The following RBM24 variants were observed in gnomAD, a reference collection of about 807,000 sequenced individuals.
The protein encoded by RBM24 is RNA-binding protein 24.
A neutral mutation model predicts 23.6 loss-of-function variants in RBM24; 5 were observed. That is an observed-to-expected ratio of 0.21 (90% CI 0.11 to 0.45). RBM24 has a LOEUF of 0.45. RBM24 is among the 20% of genes least tolerant of loss of function. The pLI is 0.99. For missense variants in RBM24, 252 were observed against 314.6 expected (o/e 0.80, Z 1.51); for synonymous variants, 151 against 129.5 (o/e 1.17, Z -1.13).
chr6:17,289,255 A>G, intron 3 of RBM24: 1 of 985,444 alleles, frequency 1.0e-6, no homozygotes. Flanking sequence ...CCAAAGTGCC[A>G]CTTGAACCTT....
chr6:17,286,803 A>G (rs1760212084), intron 3 of RBM24, among the ~76,000 whole-genome samples: 1 of 151,866 alleles, frequency 6.6e-6, no homozygotes, highest in Admixed American at 6.6e-5. Flanking sequence ...AGAGGAGAAG[A>G]CTCAGTGCGT....
intron 3 of RBM24, chr6:17,288,964 G>A (rs1261244398): frequency 1.4e-5 from 14 of 985,374 alleles, no homozygotes; most frequent in Non-Finnish European, 1.7e-5. Context: ...AAAAGAAACC[G>A]ATTAGGATAT....
At position 17,281,866 on chromosome 6, in the gene RBM24, G is replaced by A. The variant is rs1312236110; in HGVS notation, c.168+117G>A. On this transcript the variant is annotated intron_variant, in intron 1 of 3. Transcript: ENST00000379052. The surrounding 1 kb of genome is among the most constrained non-coding windows in gnomAD (Gnocchi z 7.1). ...CGTGAGGAGCCCCGCGGGTAGAGCG[G>A]CGCTGCCCCTTCGCTCCGGGGTGAA... 1 of 1,395,230 alleles carries A rather than the reference G, an allele frequency of 7.2e-7. No individual in the cohort carries two copies. The allele number at this position is 1,395,230 out of a possible 1,614,324, so 86.4% of individuals were successfully genotyped here. A position where few individuals can be genotyped will look rare whatever the true frequency, so the allele number is the denominator to read the frequency against.
In RBM24 at chr6:17,288,427, A is replaced by G. The variant is rs560852564; in HGVS notation, c.348-3329A>G. On this transcript the variant is annotated intron_variant, in intron 3 of 3. Transcript: ENST00000379052. Reference sequence around the variant, plus strand: ...GGAACTCTTTTATTGAGTGCCTACTATATTTGGCATTGTAGACTCTCTCCA... The same window carrying G: ...GGAACTCTTTTATTGAGTGCCTACTGTATTTGGCATTGTAGACTCTCTCCA... The G allele has an allele frequency of 1.2e-5, 12 of 985,006 alleles. No homozygotes were observed. The African/African-American group carries it at 1.7e-4, about 14-fold the overall frequency. 61.0% of individuals were successfully genotyped at this position (985,006 alleles called of 1,614,324 possible). A position where few individuals can be genotyped will look rare whatever the true frequency, so the allele number is the denominator to read the frequency against.
chr6:17,293,362 A>G lies in RBM24; in HGVS notation c.*1243A>G, dbSNP rs577450474. 2.0e-5 allele frequency: 3 copies of G among 152,762 alleles called. No individual in the cohort carries two copies. Among genetic ancestry groups the G allele is most frequent in the African/African-American group, 4.8e-5 (2 of 41,580 alleles). 9.5% of individuals were successfully genotyped at this position (152,762 alleles called of 1,614,324 possible). On this transcript the variant is annotated 3_prime_UTR_variant, in exon 4 of 4. Coordinates refer to ENST00000379052, the MANE Select transcript of RBM24 (RefSeq NM_001143942.2). Reference sequence around the variant, plus strand: ...AGCGTATTAAATATTAACCTATTCAACTAAAGATGTTGACTTGGATTTATT... The same window carrying G: ...AGCGTATTAAATATTAACCTATTCAGCTAAAGATGTTGACTTGGATTTATT...
In RBM24 at chr6:17,293,698, T is replaced by G. The variant is rs1340825392; in HGVS notation, c.*1579T>G. On this transcript the variant is annotated 3_prime_UTR_variant, in exon 4 of 4. Coordinates refer to ENST00000379052, the MANE Select transcript of RBM24 (RefSeq NM_001143942.2). ...ATACAAGGGAAGACAGGTTAGCATT[T>G]TTATGGACTTTCTCCATTATCACTG... is the stretch of plus-strand genomic sequence containing the variant. The G allele has an allele frequency of 6.5e-6, 1 of 152,676 alleles. No homozygotes were observed. The highest frequency in any genetic ancestry group is 1.5e-5 in the Non-Finnish European group (1 of 68,040). The allele number at this position is 152,676 out of a possible 1,614,324, so 9.5% of individuals were successfully genotyped here.
At chr6:17,284,817 G>C in intron 3 of RBM24, 106 bp downstream of exon 3, 1 of 729,284 alleles carries the variant, frequency 1.4e-6, no homozygotes, top group Non-Finnish European at 2.2e-6. Flanking sequence ...AATGGTCCTA[G>C]TTATACAATT....
Position 17,291,914 on chromosome 6 carries a change from C to G in RBM24, c.506C>G (p.Ala169Gly). ...TCAGCAGCTGCTGCTGCTGCCGCCG[C>G]CGCTGCTGCCTATGACCAGTACCCC... ...QYSAAAAAAA[A>G]AAAYDQYPYA... The change falls in exon 4 of 4, where the codon GCC becomes GGC. Residue 169 changes from alanine to glycine, a missense_variant. By Grantham distance (60) the Ala-to-Gly change is moderately conservative. Transcript: ENST00000379052. 1.2e-6 allele frequency: 2 copies of G among 1,613,638 alleles called. No homozygotes were observed. Among genetic ancestry groups the G allele is most frequent in the Non-Finnish European group, 1.7e-6 (2 of 1,179,896 alleles).
chr6:17,284,643 T>A lies in RBM24; in HGVS notation c.293-14T>A. 1 of 1,606,004 alleles carries A rather than the reference T, an allele frequency of 6.2e-7. No individual in the cohort carries two copies. The highest frequency in any genetic ancestry group is 8.5e-7 in the Non-Finnish European group (1 of 1,174,362). On this transcript the variant is annotated splice_polypyrimidine_tract_variant and intron_variant, in intron 2 of 3. Coordinates refer to ENST00000379052, the MANE Select transcript of RBM24 (RefSeq NM_001143942.2). ...CCATGCACAAATAAAGAATGTGGTA[T>A]ATTTTGTTGTTAGGTTTTGCCTTTG...
chr6:17,284,333 T>C (rs923689778), intron 2 of RBM24, among the ~76,000 whole-genome samples: 1 of 152,244 alleles, frequency 6.6e-6, no homozygotes, highest in African/African-American at 2.4e-5. Flanking sequence ...ACTGTGAGAA[T>C]ATTTGAGATG....
intron 3 of RBM24, chr6:17,289,402 A>G (rs1760289714): frequency 3.0e-6 from 3 of 985,262 alleles, no homozygotes; most frequent in East Asian, 1.1e-4. Flanking sequence ...ACCTTTGCCA[A>G]ACTTCATGTA....
At chr6:17,286,158 G>C (rs961171270) in intron 3 of RBM24, among the ~76,000 whole-genome samples, 3 of 150,446 alleles carry the variant, frequency 2.0e-5, no homozygotes, top group Non-Finnish European at 4.4e-5. Context: ...TAACATATCG[G>C]TACCTCACTG....
At chr6:17,289,689 T>C (rs1391189827) in intron 3 of RBM24, 1 of 985,338 alleles carries the variant, frequency 1.0e-6, no homozygotes, top group East Asian at 1.1e-4. Flanking sequence ...AGATCCGCAC[T>C]GGCTGGCCTT....
In RBM24 at chr6:17,281,973, G is replaced by A. The variant is rs1048412737; in HGVS notation, c.168+224G>A. On this transcript the variant is annotated intron_variant, in intron 1 of 3. Transcript: ENST00000379052. This position sits in a 1 kb window ranked among gnomAD's most constrained non-coding sequence, Gnocchi z 7.1. ...CCAGCGCTGTGCGAGGTCGGGGGCCGGGCAGGGCAGAGCAGGGGTGAAAGG... is the reference window on the plus strand; with the variant it reads ...CCAGCGCTGTGCGAGGTCGGGGGCCAGGCAGGGCAGAGCAGGGGTGAAAGG... 2.9e-6 allele frequency: 4 copies of A among 1,371,080 alleles called. No homozygotes were observed. The African/African-American group carries it at 4.4e-5, about 15-fold the overall frequency. The allele number at this position is 1,371,080 out of a possible 1,614,324, so 84.9% of individuals were successfully genotyped here. A position where few individuals can be genotyped will look rare whatever the true frequency, so the allele number is the denominator to read the frequency against.
At chr6:17,287,690 G>A (rs1760236592) in intron 3 of RBM24, among the ~76,000 whole-genome samples, 1 of 151,984 alleles carries the variant, frequency 6.6e-6, no homozygotes, top group African/African-American at 2.4e-5. Flanking sequence ...GGCGCCTGTA[G>A]TCCAGCTACT....
At position 17,293,643 on chromosome 6, in the gene RBM24, T is replaced by C. The variant is rs530831246; in HGVS notation, c.*1524T>C. 1 of 152,624 alleles carries C rather than the reference T, an allele frequency of 6.6e-6. No homozygotes were observed. Among genetic ancestry groups the C allele is most frequent in the Non-Finnish European group, 1.5e-5 (1 of 68,022 alleles). The allele number at this position is 152,624 out of a possible 1,614,324, so 9.5% of individuals were successfully genotyped here. On this transcript the variant is annotated 3_prime_UTR_variant, in exon 4 of 4. Coordinates refer to ENST00000379052, the MANE Select transcript of RBM24 (RefSeq NM_001143942.2). ...AACTAAATTGAATACTATTTTACAC[T>C]GTATTGGATTTTTATACTTGAACAA...
At position 17,281,602 on chromosome 6, in the gene RBM24, C is replaced by T. The variant is rs1362210850; in HGVS notation, c.21C>T (p.Asp7=). The change falls in exon 1 of 4, where the codon GAC becomes GAT. Residue 7 remains aspartate, a synonymous_variant. Transcript: ENST00000379052. This position sits in a 1 kb window ranked among gnomAD's most constrained non-coding sequence, Gnocchi z 7.1. MHTTQK[D]TTYTKIFVGG... ...CGAAGATGCACACGACCCAGAAGGA[C>T]ACGACGTACACCAAGATCTTCGTCG... 2.6e-6 allele frequency: 4 copies of T among 1,547,556 alleles called. No individual in the cohort carries two copies. Among genetic ancestry groups the T allele is most frequent in the Non-Finnish European group, 3.5e-6 (4 of 1,145,852 alleles).
At chr6:17,283,198 A>G in intron 2 of RBM24, 1 of 398,294 alleles carries the variant, frequency 2.5e-6, no homozygotes, top group Non-Finnish European at 4.6e-6. Context: ...TATATGGCAT[A>G]CATTTGTAGT....
intron 3 of RBM24, 100 bp from the exon 4 acceptor site, chr6:17,291,656 G>T: frequency 7.7e-7 from 1 of 1,300,904 alleles, no homozygotes; most frequent in East Asian, 2.3e-5. Context: ...GCAACCCTAT[G>T]CTCATAATAA....
Sources: gnomAD v4.1 joint callset for allele counts (sites outside exome capture counted in the v4.1 genomes callset) on GRCh38, gnomAD v4.1.1 for gene constraint, Gnocchi (gnomAD v3.1) non-coding constraint, MANE v1.5 for transcripts, NCBI Gene and HGNC (gene_info 2026-07-23, HGNC 2026-07-21) for gene names.